Variants in JMJD1C observed in about 807,000 individuals in gnomAD.
The protein encoded by JMJD1C is jumonji domain-containing protein 1C.
JMJD1C carries 31 observed loss-of-function variants against 245.3 expected under a neutral mutation model. The ratio of observed to expected loss-of-function variants is 0.13; its 90% CI spans 0.09 to 0.17. The LOEUF (loss-of-function observed/expected upper bound fraction) is 0.17. Ranked by LOEUF, JMJD1C falls within the 10% of genes least tolerant of loss-of-function variation. The probability of loss-of-function intolerance (pLI) is 1.00; values close to 1 mark genes in which losing one functional copy is unlikely to be tolerated. For missense variants in JMJD1C, 2,691 were observed against 3,000.2 expected (o/e 0.90, Z 2.41); for synonymous variants, 1,057 against 1,017.4 (o/e 1.04, Z -0.74).
intron 2 of JMJD1C, among the ~76,000 whole-genome samples, chr10:63,292,376 C>G (rs1484266554): frequency 6.6e-6 from 1 of 151,682 alleles, no homozygotes; most frequent in Non-Finnish European, 1.5e-5. Context: ...CTTTGGGGGG[C>G]CAAGGTGGGC....
At chr10:63,509,899 T>C (rs1004839927) in intron 1 of JMJD1C, among the ~76,000 whole-genome samples, 1 of 152,202 alleles carries the variant, frequency 6.6e-6, no homozygotes, top group African/African-American at 2.4e-5. Flanking sequence ...TTCATTTCAC[T>C]GATTCCTGCT....
intron 3 of JMJD1C, among the ~76,000 whole-genome samples, chr10:63,238,031 A>G (rs973363277): frequency 6.7e-6 from 1 of 148,458 alleles, no homozygotes; most frequent in African/African-American, 2.5e-5. Context: ...AAAAAAAAAA[A>G]AAAGCCGGGT....
intron 2 of JMJD1C, among the ~76,000 whole-genome samples, chr10:63,277,727 A>ATTTTTTTT (rs1389505532): frequency 4.8e-5 from 4 of 83,134 alleles, no homozygotes; most frequent in African/African-American, 2.1e-4. Context: ...AGTAATTTGC[A>ATTTTTTTT]TTTCTTTTTT....
intron 1 of JMJD1C, among the ~76,000 whole-genome samples, chr10:63,440,008 T>C (rs1288324019): frequency 1.3e-5 from 2 of 152,174 alleles, no homozygotes; most frequent in African/African-American, 4.8e-5. Flanking sequence ...ACAGACAGTG[T>C]AAAGACACTG....
intron 3 of JMJD1C, among the ~76,000 whole-genome samples, chr10:63,233,384 A>C (rs1247234080): frequency 1.3e-5 from 2 of 152,164 alleles, no homozygotes; most frequent in Non-Finnish European, 2.9e-5. Flanking sequence ...TAACATTAGC[A>C]CTGATAAAAT....
intron 2 of JMJD1C, among the ~76,000 whole-genome samples, chr10:63,298,263 G>A (rs1859671755): frequency 6.6e-6 from 1 of 152,206 alleles, no homozygotes; most frequent in African/African-American, 2.4e-5. Flanking sequence ...TAGGCAGAAT[G>A]AGCCCAGTGG....
In JMJD1C at chr10:63,337,634, G is replaced by GA. The variant is rs1199799354; in HGVS notation, c.333+42683dup. Among the ~76,000 whole-genome samples, 209 of 142,468 alleles carry GA rather than the reference G, an allele frequency of 1.5e-3. 3 individuals are homozygous for GA. Among genetic ancestry groups the GA allele is most frequent in the Non-Finnish European group, 2.3e-3 (149 of 65,602 alleles). 93.5% of individuals were successfully genotyped at this position (142,468 alleles called of 152,430 possible). ...AAAAGAAAAGAAAAGAAAAAGAAAA[G>GA]AAAAAAAATCCGCTATTGTTCCTCA... On this transcript the variant is annotated intron_variant, in intron 2 of 25. Transcript: ENST00000399262.
intron 1 of JMJD1C, among the ~76,000 whole-genome samples, chr10:63,412,064 A>C (rs1010247690): frequency 6.6e-6 from 1 of 151,880 alleles, no homozygotes; most frequent in African/African-American, 2.4e-5. Context: ...CCCAGCCAAA[A>C]ATGTGTTTTT....
At chr10:63,428,936 A>C (rs1401871309) in intron 1 of JMJD1C, among the ~76,000 whole-genome samples, 1 of 152,108 alleles carries the variant, frequency 6.6e-6, no homozygotes, top group Non-Finnish European at 1.5e-5. Context: ...GCTTAAAATA[A>C]AATTTACTTC....
intron 1 of JMJD1C, among the ~76,000 whole-genome samples, chr10:63,402,217 A>G (rs981151102): frequency 2.6e-5 from 4 of 152,162 alleles, no homozygotes; most frequent in Non-Finnish European, 5.9e-5. Flanking sequence ...AATGGTCAAA[A>G]TTCATGAAAA....
In JMJD1C at chr10:63,478,577, T is replaced by G. The variant is rs78166958; in HGVS notation, n.113+43161A>C. Among the ~76,000 whole-genome samples, 279 of 152,280 alleles carry G rather than the reference T, an allele frequency of 1.8e-3. 2 individuals are homozygous for G. The highest frequency in any genetic ancestry group is 6.5e-3 in the African/African-American group (269 of 41,548). ...TACTTTTGCTTACTGTTAATTACAC[T>G]AAAATGACAACATTAAAATCAGCAA... On this transcript the variant is annotated intron_variant and non_coding_transcript_variant, in intron 1 of 3. Transcript: ENST00000633035.
chr10:63,478,416 T>C (rs965534894), intron 1 of JMJD1C, among the ~76,000 whole-genome samples: 1 of 152,226 alleles, frequency 6.6e-6, no homozygotes, highest in Admixed American at 6.5e-5. Flanking sequence ...AGGCAAACTA[T>C]GGAGTGCTAC....
chr10:63,417,652 T>C (rs1188131610), intron 1 of JMJD1C, among the ~76,000 whole-genome samples: 2 of 152,178 alleles, frequency 1.3e-5, no homozygotes, highest in Non-Finnish European at 2.9e-5. Context: ...GACTAGGAAA[T>C]GGATGGATAC....
chr10:63,335,137 C>A (rs1041999967), intron 2 of JMJD1C, among the ~76,000 whole-genome samples: 30 of 151,122 alleles, frequency 2.0e-4, no homozygotes, highest in Admixed American at 5.9e-4. Flanking sequence ...TAAGGTCAGA[C>A]AAAGCAGTCT....
At chr10:63,408,338 G>A (rs1455999785) in intron 1 of JMJD1C, among the ~76,000 whole-genome samples, 1 of 151,976 alleles carries the variant, frequency 6.6e-6, no homozygotes, top group African/African-American at 2.4e-5. Flanking sequence ...GGGAGGCGAA[G>A]GTTGCAGTAA....
intron 1 of JMJD1C, among the ~76,000 whole-genome samples, chr10:63,422,835 CT>C (rs1348148572): frequency 6.6e-6 from 1 of 152,108 alleles, no homozygotes; most frequent in Non-Finnish European, 1.5e-5. Context: ...TTCACATGTA[CT>C]TTTTACAAAA....
intron 8 of JMJD1C, among the ~76,000 whole-genome samples, chr10:63,211,521 T>C (rs1163754277): frequency 1.3e-5 from 2 of 151,004 alleles, no homozygotes; most frequent in African/African-American, 2.4e-5. Flanking sequence ...AAAAGACTCA[T>C]GGCCACAGTC....
chr10:63,387,729 G>A (rs1007822233), intron 1 of JMJD1C, among the ~76,000 whole-genome samples: 1 of 125,920 alleles, frequency 7.9e-6, no homozygotes, highest in Non-Finnish European at 1.6e-5. Context: ...TCCACCTCCT[G>A]GGTTCCTGCC....
intron 2 of JMJD1C, among the ~76,000 whole-genome samples, chr10:63,319,085 A>C (rs977136057): frequency 2.0e-5 from 3 of 151,680 alleles, no homozygotes; most frequent in South Asian, 2.1e-4. Flanking sequence ...ATGGTGAAAC[A>C]CCGTCTCTAC....
Sources: gnomAD v4.1 joint callset for allele counts (sites outside exome capture counted in the v4.1 genomes callset) on GRCh38, gnomAD v4.1.1 for gene constraint, MANE v1.5 for transcripts, NCBI Gene and HGNC (gene_info 2026-07-23, HGNC 2026-07-21) for gene names.